The following CNTNAP2 variants were observed in gnomAD, a reference collection of about 807,000 sequenced individuals.
CNTNAP2 encodes contactin associated protein 2.
CNTNAP2 carries 98 observed loss-of-function variants against 155.2 expected under a neutral mutation model. That is an observed-to-expected ratio of 0.63 (90% CI 0.54 to 0.75). The LOEUF is 0.75. Ranked by LOEUF, CNTNAP2 falls within the 30% of genes least tolerant of loss-of-function variation. The pLI is 0.00. For synonymous variants in CNTNAP2, 651 were observed against 631.2 expected (o/e 1.03, Z -0.47); for missense variants, 1,727 against 1,688.1 (o/e 1.02, Z -0.40).
At chr7:147,102,282 GAAAA>G (rs555981471) in intron 4 of CNTNAP2, among the ~76,000 whole-genome samples, 2 of 110,618 alleles carry the variant, frequency 1.8e-5, no homozygotes, top group Admixed American at 9.5e-5. Flanking sequence ...TAGGCAAAAA[GAAAA>G]AAAAAAAAAA....
chr7:146,771,101 C>G (rs1802286366), intron 1 of CNTNAP2, among the ~76,000 whole-genome samples: 1 of 152,158 alleles, frequency 6.6e-6, no homozygotes, highest in African/African-American at 2.4e-5. Context: ...TAGCAATTCT[C>G]TTCCTCTCCA....
intron 9 of CNTNAP2, among the ~76,000 whole-genome samples, chr7:147,349,079 A>C (rs1211474977): frequency 1.3e-5 from 2 of 151,748 alleles, no homozygotes; most frequent in African/African-American, 4.9e-5. Flanking sequence ...ATACCACTGT[A>C]GGATAACAAT....
intron 8 of CNTNAP2, among the ~76,000 whole-genome samples, chr7:147,227,360 A>G (rs1803571565): frequency 6.6e-6 from 1 of 152,184 alleles, no homozygotes; most frequent in Admixed American, 6.5e-5. Context: ...TAGTCTGAGT[A>G]GGATGGGAAA....
intron 3 of CNTNAP2, among the ~76,000 whole-genome samples, chr7:146,876,760 A>G (rs936350359): frequency 6.6e-6 from 1 of 152,152 alleles, no homozygotes; most frequent in Non-Finnish European, 1.5e-5. Flanking sequence ...ATGATCCAAT[A>G]CACATTATTG....
At chr7:146,907,614 A>G (rs1796164407) in intron 3 of CNTNAP2, among the ~76,000 whole-genome samples, 1 of 150,538 alleles carries the variant, frequency 6.6e-6, no homozygotes, top group Non-Finnish European at 1.5e-5. Flanking sequence ...AGATTTTGTC[A>G]CCACCAAGCC....
At chr7:146,132,248 C>A (rs1244388245) in intron 1 of CNTNAP2, among the ~76,000 whole-genome samples, 1 of 152,066 alleles carries the variant, frequency 6.6e-6, no homozygotes, top group African/African-American at 2.4e-5. Flanking sequence ...TGAATAATAG[C>A]ACTGGCCATT....
intron 13 of CNTNAP2, among the ~76,000 whole-genome samples, chr7:147,696,552 G>T (rs960926410): frequency 4.6e-5 from 7 of 152,012 alleles, no homozygotes; most frequent in African/African-American, 1.7e-4. Context: ...TTAAGAATAA[G>T]AAAAATAAAA....
At chr7:147,053,621 A>G (rs570910326) in intron 4 of CNTNAP2, among the ~76,000 whole-genome samples, 6 of 152,242 alleles carry the variant, frequency 3.9e-5, no homozygotes, top group African/African-American at 1.4e-4. Flanking sequence ...AATTTCTGGC[A>G]GAGAGTAATA....
At chr7:148,105,964 C>T (rs1055511949) in intron 15 of CNTNAP2, among the ~76,000 whole-genome samples, 1 of 152,162 alleles carries the variant, frequency 6.6e-6, no homozygotes, top group African/African-American at 2.4e-5. Context: ...AGGAACAGAA[C>T]CAAGTTAGGA....
At chr7:146,340,619 G>A (rs532266697) in intron 1 of CNTNAP2, among the ~76,000 whole-genome samples, 1 of 152,092 alleles carries the variant, frequency 6.6e-6, no homozygotes, top group African/African-American at 2.4e-5. Flanking sequence ...TTGCTAAGCA[G>A]GCAACCCTTC....
chr7:148,096,446 C>T (rs1227117660), intron 15 of CNTNAP2, among the ~76,000 whole-genome samples: 1 of 152,026 alleles, frequency 6.6e-6, no homozygotes, highest in African/African-American at 2.4e-5. Context: ...TTTCATGTAT[C>T]ATAGAGATTA....
At chr7:146,138,207 G>A (rs937955086) in intron 1 of CNTNAP2, among the ~76,000 whole-genome samples, 1 of 152,076 alleles carries the variant, frequency 6.6e-6, no homozygotes, top group Non-Finnish European at 1.5e-5. Context: ...ATTCTATGAA[G>A]AAGTAGGTGC....
chr7:147,455,629 A>C (rs559350169), intron 10 of CNTNAP2, among the ~76,000 whole-genome samples: 1 of 152,308 alleles, frequency 6.6e-6, no homozygotes, highest in South Asian at 2.1e-4. Flanking sequence ...ATAGAGGGAA[A>C]CTTTCCCCAT....
At chr7:147,992,316 T>C (rs1286878578) in intron 15 of CNTNAP2, among the ~76,000 whole-genome samples, 3 of 152,066 alleles carry the variant, frequency 2.0e-5, no homozygotes, top group Non-Finnish European at 4.4e-5. Flanking sequence ...TTCACCACAT[T>C]GGCCAGGCTG....
At chr7:146,436,814 A>G (rs902481526) in intron 1 of CNTNAP2, among the ~76,000 whole-genome samples, 4 of 151,706 alleles carry the variant, frequency 2.6e-5, no homozygotes, top group African/African-American at 9.8e-5. Flanking sequence ...TAAACATGTT[A>G]TTCCGTTATA....
intron 15 of CNTNAP2, among the ~76,000 whole-genome samples, chr7:148,077,288 C>CA (rs1256691321): frequency 3.6e-4 from 54 of 149,326 alleles, no homozygotes; most frequent in African/African-American, 1.3e-3. Context: ...GCCTGGGCAA[C>CA]ACAGCAAGAC....
intron 1 of CNTNAP2, among the ~76,000 whole-genome samples, chr7:146,480,868 G>A (rs1161750600): frequency 6.6e-6 from 1 of 150,800 alleles, no homozygotes; most frequent in Non-Finnish European, 1.5e-5. Context: ...ATTTTCAGTA[G>A]AGACAGGGTT....
chr7:146,586,645 T>C (rs1025696642), intron 1 of CNTNAP2, among the ~76,000 whole-genome samples: 1 of 152,134 alleles, frequency 6.6e-6, no homozygotes, highest in East Asian at 1.9e-4. Context: ...ACATATGTAT[T>C]AACTAACACA....
At chr7:147,485,191 T>A (rs959659241) in intron 10 of CNTNAP2, among the ~76,000 whole-genome samples, 1 of 152,216 alleles carries the variant, frequency 6.6e-6, no homozygotes, top group African/African-American at 2.4e-5. Flanking sequence ...GCCTATTAGT[T>A]GTCTGTTAAT....
Sources: allele counts gnomAD v4.1 joint callset (sites outside exome capture counted in the v4.1 genomes callset), GRCh38; gene constraint gnomAD v4.1.1; transcripts MANE v1.5; gene names NCBI Gene and HGNC (gene_info 2026-07-23, HGNC 2026-07-21).